Variants in HNF4G observed in about 807,000 individuals in gnomAD.
The protein encoded by HNF4G is hepatocyte nuclear factor 4 gamma.
A neutral mutation model predicts 50.9 loss-of-function variants in HNF4G; 21 were observed. The ratio of observed to expected loss-of-function variants is 0.41; its 90% CI spans 0.29 to 0.59. HNF4G has a LOEUF of 0.59. Ranked by LOEUF, HNF4G falls within the 20% of genes least tolerant of loss-of-function variation. HNF4G has a pLI of 0.26. For missense variants in HNF4G, 527 were observed against 559.4 expected (o/e 0.94, Z 0.58); for synonymous variants, 198 against 185.6 (o/e 1.07, Z -0.54).
At chr8:75,460,816 A>G (rs1489931397) in intron 1 of HNF4G, among the ~76,000 whole-genome samples, 3 of 152,194 alleles carry the variant, frequency 2.0e-5, no homozygotes, top group Admixed American at 6.5e-5. Context: ...CCCCCTTCAT[A>G]TTTCAACTTG....
rs903411688 is a variant in HNF4G, at chr8:75,565,898, A to C, written c.*1802A>C. 1.3e-5 allele frequency: 2 copies of C among 152,098 alleles called. No homozygotes were observed. Among genetic ancestry groups the C allele is most frequent in the Non-Finnish European group, 2.9e-5 (2 of 68,024 alleles). The allele number at this position is 152,098 out of a possible 1,614,324, so 9.4% of individuals were successfully genotyped here. On this transcript the variant is annotated 3_prime_UTR_variant, in exon 10 of 10. Coordinates refer to ENST00000396423, the MANE Select transcript of HNF4G (RefSeq NM_004133.5). The stretch of plus-strand genomic sequence containing the variant: ...CCCTTGTGAAACTGTAAAATATATC[A>C]TATGGGGGGAGTTTTTTAACTCTTA...
intron 1 of HNF4G, among the ~76,000 whole-genome samples, chr8:75,434,002 CTTTTTTTTTT>C (rs139429237): frequency 1.6e-5 from 2 of 123,280 alleles, no homozygotes; most frequent in African/African-American, 3.0e-5. Flanking sequence ...TGTTTCTTTT[CTTTTTTTTTT>C]TTTTTTTTTT....
At chr8:75,522,752 C>T (rs971696761) in intron 2 of HNF4G, among the ~76,000 whole-genome samples, 4 of 151,994 alleles carry the variant, frequency 2.6e-5, no homozygotes, top group Non-Finnish European at 5.9e-5. Context: ...CTGATGTAGC[C>T]GCCTGATGAT....
chr8:75,544,233 T>C (rs1426750207), intron 2 of HNF4G, among the ~76,000 whole-genome samples: 1 of 152,140 alleles, frequency 6.6e-6, no homozygotes, highest in East Asian at 1.9e-4. Flanking sequence ...CTTAGACCAA[T>C]ATAGTTGAAG....
At chr8:75,487,641 T>C (rs1812527635) in intron 1 of HNF4G, among the ~76,000 whole-genome samples, 1 of 152,190 alleles carries the variant, frequency 6.6e-6, no homozygotes, top group African/African-American at 2.4e-5. Flanking sequence ...ATCACTCCAG[T>C]TCTCAATTAT....
In HNF4G at chr8:75,465,172, C is replaced by T. The variant is rs73688894; in HGVS notation, c.-143-24917C>T. On this transcript the variant is annotated intron_variant, in intron 1 of 10. Transcript: ENST00000354370. ...TAGCCTCATATAGGATTCTACAGATCCTACAGCTAACCCATGTAGCCTCAT... is the reference window on the plus strand; with the variant it reads ...TAGCCTCATATAGGATTCTACAGATTCTACAGCTAACCCATGTAGCCTCAT... Among the ~76,000 whole-genome samples, 786 of 152,220 alleles carry T rather than the reference C, an allele frequency of 5.2e-3. 4 individuals are homozygous for T. Among genetic ancestry groups the T allele is most frequent in the African/African-American group, 0.018 (745 of 41,554 alleles).
chr8:75,509,499 A>C (rs147625410), intron 2 of HNF4G, among the ~76,000 whole-genome samples: 47 of 152,320 alleles, frequency 3.1e-4, no homozygotes, highest in Middle Eastern at 6.8e-3. Context: ...TATTTTAATA[A>C]GCATTGTCAT....
chr8:75,480,526 A>AT (rs1326829761), intron 1 of HNF4G, among the ~76,000 whole-genome samples: 1 of 152,194 alleles, frequency 6.6e-6, no homozygotes, highest in Non-Finnish European at 1.5e-5. Context: ...AACTTTATTA[A>AT]TTTTTTGTAT....
intron 1 of HNF4G, among the ~76,000 whole-genome samples, chr8:75,480,852 A>C (rs1812360942): frequency 6.6e-6 from 1 of 151,538 alleles, no homozygotes; most frequent in South Asian, 2.1e-4. Context: ...CCGGGACTAC[A>C]TGCGTCAGCC....
At chr8:75,525,560 T>C (rs1806155259) in intron 2 of HNF4G, among the ~76,000 whole-genome samples, 2 of 152,238 alleles carry the variant, frequency 1.3e-5, no homozygotes, top group Non-Finnish European at 2.9e-5. Context: ...TGGATTGTGC[T>C]ACCTGACACC....
chr8:75,521,092 T>C (rs564353098), intron 2 of HNF4G, among the ~76,000 whole-genome samples: 24 of 152,294 alleles, frequency 1.6e-4, no homozygotes, highest in African/African-American at 5.5e-4. Context: ...ATTTTATACA[T>C]GGATATTTTT....
intron 1 of HNF4G, among the ~76,000 whole-genome samples, chr8:75,481,961 G>T (rs188754028): frequency 1.6e-4 from 24 of 152,196 alleles, no homozygotes; most frequent in African/African-American, 5.1e-4. Flanking sequence ...GAAATTTTGT[G>T]AATTTTGTTG....
intron 2 of HNF4G, among the ~76,000 whole-genome samples, chr8:75,522,490 G>C (rs1182911357): frequency 6.6e-6 from 1 of 152,150 alleles, no homozygotes; most frequent in African/African-American, 2.4e-5. Flanking sequence ...GAGCCCATGA[G>C]TGGTAAATGC....
chr8:75,542,535 GAAAA>G (rs71567128), intron 1 of HNF4G, among the ~76,000 whole-genome samples: 21 of 80,530 alleles, frequency 2.6e-4, no homozygotes, highest in Middle Eastern at 7.0e-3. Flanking sequence ...CAATGACGAC[GAAAA>G]AAAAAAAAAA....
intron 1 of HNF4G, among the ~76,000 whole-genome samples, chr8:75,429,491 TTTC>T (rs1489893923): frequency 6.6e-6 from 1 of 152,196 alleles, no homozygotes; most frequent in African/African-American, 2.4e-5. Context: ...AATCTCTGGA[TTTC>T]TTTCCACCAC....
chr8:75,431,517 G>A (rs185863598), intron 1 of HNF4G, among the ~76,000 whole-genome samples: 21 of 152,192 alleles, frequency 1.4e-4, no homozygotes, highest in Admixed American at 3.3e-4. Flanking sequence ...ATCAGTGATC[G>A]CAATAAATAT....
chr8:75,527,335 C>A (rs1222259653), intron 2 of HNF4G, among the ~76,000 whole-genome samples: 1 of 152,136 alleles, frequency 6.6e-6, no homozygotes, highest in Admixed American at 6.5e-5. Context: ...AAATCAGTGT[C>A]TTTAAATAGA....
intron 1 of HNF4G, among the ~76,000 whole-genome samples, chr8:75,472,757 A>T (rs1025744546): frequency 5.3e-5 from 8 of 152,164 alleles, no homozygotes; most frequent in African/African-American, 1.7e-4. Context: ...GGGGGGCTGG[A>T]CACTGCAAAC....
upstream of HNF4G, among the ~76,000 whole-genome samples, chr8:75,537,792 G>GCTC (rs1468986929): frequency 1.3e-5 from 2 of 152,030 alleles, no homozygotes; most frequent in Non-Finnish European, 2.9e-5. Flanking sequence ...CCCAATCAGT[G>GCTC]CATTCTTACT....
Sources: gnomAD v4.1 joint callset for allele counts (sites outside exome capture counted in the v4.1 genomes callset) on GRCh38, gnomAD v4.1.1 for gene constraint, MANE v1.5 for transcripts, NCBI Gene and HGNC (gene_info 2026-07-23, HGNC 2026-07-21) for gene names.